EDNRB: variants seen among roughly 807,000 people sequenced by gnomAD.
The protein encoded by EDNRB is Hirschsprung disease 2.
A neutral mutation model predicts 46.4 loss-of-function variants in EDNRB; 18 were observed. The observed-to-expected ratio is 0.39, with a 90% CI of 0.27 to 0.57. EDNRB has a LOEUF of 0.57. Among genes scored for constraint, EDNRB ranks in the 20% least tolerant of loss-of-function variants. The pLI, the probability that EDNRB is intolerant of heterozygous loss-of-function variation, is 0.61. For synonymous variants in EDNRB, 213 were observed against 204.9 expected, an observed-to-expected ratio of 1.04 and a Z score of -0.34; for missense variants, 434 against 537.5, an observed-to-expected ratio of 0.81 and a Z score of 1.90.
chr13:77,948,191 T>G (rs141133646), intron 1 of EDNRB, among the ~76,000 whole-genome samples: 2,237 of 152,316 alleles, frequency 0.015, 45 homozygotes, highest in East Asian at 0.024. Flanking sequence ...AGGTTGAAGA[T>G]AGATTTACTT....
intron 5 of EDNRB, among the ~76,000 whole-genome samples, 171 bp downstream of exon 5, chr13:77,900,350 C>T (rs993992052): frequency 6.6e-6 from 1 of 151,750 alleles, no homozygotes; most frequent in Non-Finnish European, 1.5e-5. Context: ...GTTCTTCATA[C>T]CCCCCCTTCC....
At chr13:77,922,479 A>C (rs933153258), upstream of EDNRB, among the ~76,000 whole-genome samples, 11 of 152,320 alleles carry the variant, frequency 7.2e-5, no homozygotes, top group African/African-American at 2.4e-4. Flanking sequence ...CTCAAAACCT[A>C]TGTTGAACTC....
Position 77,901,123 on chromosome 13 carries a change from T to C in EDNRB, c.886A>G (p.Met296Val). Residue 296 changes from methionine (M) to valine (V), a missense_variant, in exon 4 of 7, where the codon ATG becomes GTG. Met to Val is a conservative substitution (Grantham distance 21). Coordinates refer to ENST00000646607, the MANE Select transcript of EDNRB (RefSeq NM_001122659.3). The stretch of plus-strand genomic sequence containing the variant: ...TTCTTTCTCAACATTTCACAGGTCA[T>C]TAGTGTATAAAAAAATGCAGTGATG... ...LAITAFFYTLMTCEMLRKKSG... is the reference protein window; with the variant it reads ...LAITAFFYTLVTCEMLRKKSG... 1 of 1,611,536 alleles carries C rather than the reference T, an allele frequency of 6.2e-7. No individual in the cohort carries two copies. Among genetic ancestry groups the C allele is most frequent in the Non-Finnish European group, 8.5e-7 (1 of 1,178,490 alleles).
chr13:77,960,750 A>G (rs117243631), intron 1 of EDNRB, among the ~76,000 whole-genome samples: 2,233 of 152,178 alleles, frequency 0.015, 44 homozygotes, highest in East Asian at 0.024. Flanking sequence ...TGGCAAATTC[A>G]ATAAAGAGTC....
At chr13:77,937,021 T>A (rs1198098448) in intron 1 of EDNRB, among the ~76,000 whole-genome samples, 3 of 152,150 alleles carry the variant, frequency 2.0e-5, no homozygotes, top group Admixed American at 2.0e-4. Flanking sequence ...GATTCTAATT[T>A]TTGAAGTTTT....
At chr13:77,964,340 G>T (rs1594401226) in intron 1 of EDNRB, among the ~76,000 whole-genome samples, 1 of 152,188 alleles carries the variant, frequency 6.6e-6, no homozygotes, top group African/African-American at 2.4e-5. Flanking sequence ...TATGTTTATT[G>T]TGGTACTATT....
chr13:77,961,657 A>C (rs1245919767), intron 1 of EDNRB, among the ~76,000 whole-genome samples: 3 of 152,240 alleles, frequency 2.0e-5, no homozygotes, highest in African/African-American at 7.2e-5. Flanking sequence ...TTATAGCACT[A>C]AATGCCCACA....
chr13:77,936,511 T>C (rs1388704699), intron 1 of EDNRB, among the ~76,000 whole-genome samples: 1 of 152,152 alleles, frequency 6.6e-6, no homozygotes, highest in Non-Finnish European at 1.5e-5. Flanking sequence ...GGCGGACTTA[T>C]CTTCCACTGT....
intron 1 of EDNRB, among the ~76,000 whole-genome samples, chr13:77,963,700 G>A (rs150219538): frequency 0.015 from 2,241 of 152,176 alleles, 46 homozygotes; most frequent in East Asian, 0.024. Context: ...CATTCAGGAC[G>A]GAGGCATGGG....
chr13:77,899,381 T>G (rs538079160), intron 6 of EDNRB: 35 of 172,250 alleles, frequency 2.0e-4, no homozygotes, highest in Non-Finnish European at 2.7e-4. Flanking sequence ...CACATCACTG[T>G]TATACAAAAA....
At chr13:77,904,620 G>T (rs902761194) in intron 1 of EDNRB, among the ~76,000 whole-genome samples, 1 of 151,112 alleles carries the variant, frequency 6.6e-6, no homozygotes, top group Non-Finnish European at 1.5e-5. Flanking sequence ...TATATATATA[G>T]TGTGTATATA....
At chr13:77,937,531 G>T (rs1308055136) in intron 1 of EDNRB, among the ~76,000 whole-genome samples, 2 of 152,178 alleles carry the variant, frequency 1.3e-5, no homozygotes, top group Non-Finnish European at 2.9e-5. Context: ...GAGCCTAAAT[G>T]CTGACTGATC....
At chr13:77,941,398 G>GA (rs199977263) in intron 1 of EDNRB, among the ~76,000 whole-genome samples, 2,203 of 152,252 alleles carry the variant, frequency 0.014, 46 homozygotes, top group East Asian at 0.024. Context: ...CTGTTCTGAG[G>GA]AAATAAATGT....
intron 4 of EDNRB, 53 bp from the exon 5 acceptor site, chr13:77,900,707 C>A (rs930503672): frequency 8.1e-6 from 13 of 1,609,144 alleles, no homozygotes; most frequent in Admixed American, 5.0e-5. Context: ...TTACTCATAG[C>A]ATTCTATCTT....
At chr13:77,940,042 C>G (rs1880698488) in intron 1 of EDNRB, 1 of 149,656 alleles carries the variant, frequency 6.7e-6, no homozygotes, top group Admixed American at 6.6e-5. Flanking sequence ...AATAAAAATT[C>G]TTATGTACAG....
chr13:77,931,627 A>G (rs1290569548), intron 1 of EDNRB, among the ~76,000 whole-genome samples: 1 of 152,004 alleles, frequency 6.6e-6, no homozygotes, highest in Non-Finnish European at 1.5e-5. Context: ...GAATAATGTA[A>G]TCAACTAACC....
At chr13:77,911,375 G>A (rs748748114) in intron 1 of EDNRB, among the ~76,000 whole-genome samples, 8 of 152,056 alleles carry the variant, frequency 5.3e-5, no homozygotes, top group Non-Finnish European at 1.0e-4. Flanking sequence ...ATCAGAAAAT[G>A]TCTGATTACT....
upstream of EDNRB, among the ~76,000 whole-genome samples, chr13:77,923,163 A>G (rs1880134318): frequency 6.6e-6 from 1 of 152,212 alleles, no homozygotes. Context: ...TGAGAAACAG[A>G]CAGGATACAT....
At position 77,970,566 on chromosome 13, in the gene EDNRB, CAG is replaced by C. The variant is rs1020611201; in HGVS notation, c.-52+4779_-52+4780del. Among the ~76,000 whole-genome samples, 27 of 152,164 alleles carry C rather than the reference CAG, an allele frequency of 1.8e-4. 1 individual carries two copies. The highest frequency in any genetic ancestry group is 6.3e-4 in the African/African-American group (26 of 41,524). On this transcript the variant is annotated intron_variant, in intron 1 of 7. Transcript: ENST00000646948. ...GGCCTATAATATTGTATAATTCTCTCAGGGGGCTATTTATTATCTTTTTTATT... is the reference window on the plus strand; with the variant it reads ...GGCCTATAATATTGTATAATTCTCTCGGGGCTATTTATTATCTTTTTTATT...
Sources: allele counts gnomAD v4.1 joint callset (sites outside exome capture counted in the v4.1 genomes callset), GRCh38; gene constraint gnomAD v4.1.1; transcripts MANE v1.5; gene names NCBI Gene and HGNC (gene_info 2026-07-23, HGNC 2026-07-21).